NEGR1: variants seen among roughly 807,000 people sequenced by gnomAD.
The protein encoded by NEGR1 is IgLON family member 4.
Under a neutral mutation model 40.9 loss-of-function variants are expected in NEGR1, and 10 were observed. That is an observed-to-expected ratio of 0.24 (90% CI 0.15 to 0.42). NEGR1 has a LOEUF of 0.42. NEGR1 is among the 10% of genes least tolerant of loss of function. The pLI is 1.00. For synonymous variants in NEGR1, 185 were observed against 166.8 expected (o/e 1.11, Z -0.84); for missense variants, 352 against 438.9 (o/e 0.80, Z 1.77).
chr1:71,900,417 T>G (rs973995764), intron 2 of NEGR1, among the ~76,000 whole-genome samples: 2 of 152,202 alleles, frequency 1.3e-5, no homozygotes, highest in Non-Finnish European at 2.9e-5. Flanking sequence ...TATATTGAAT[T>G]GCCCAATTAT....
At chr1:71,437,131 A>G (rs1351691201) in intron 6 of NEGR1, among the ~76,000 whole-genome samples, 1 of 152,150 alleles carries the variant, frequency 6.6e-6, no homozygotes, top group Non-Finnish European at 1.5e-5. Flanking sequence ...TTTTAAGAGT[A>G]TGAATTATAT....
At chr1:72,208,490 A>G (rs2100458947) in intron 1 of NEGR1, among the ~76,000 whole-genome samples, 1 of 151,682 alleles carries the variant, frequency 6.6e-6, no homozygotes, top group South Asian at 2.1e-4. Flanking sequence ...TTCTTCCCGT[A>G]TAATTTTTTT....
At chr1:72,129,832 T>C (rs562973604) in intron 1 of NEGR1, among the ~76,000 whole-genome samples, 2 of 152,244 alleles carry the variant, frequency 1.3e-5, no homozygotes, top group South Asian at 4.1e-4. Flanking sequence ...TTTAAGAAAA[T>C]ATTGTCACAT....
In NEGR1 at chr1:72,114,680, T is replaced by C. The variant is rs187680345; in HGVS notation, c.176+167639A>G. ...TGCTTGGAAGAAGCTTTTCACTTCC[T>C]TGTAATATTTCAAATGGTGTTGGAA... On this transcript the variant is annotated intron_variant, in intron 1 of 6. Transcript: ENST00000357731. Among the ~76,000 whole-genome samples the C allele has an allele frequency of 6.4e-3, 965 of 151,878 alleles. 12 individuals are homozygous for C. The highest frequency in any genetic ancestry group is 0.022 in the African/African-American group (922 of 41,504).
At chr1:71,730,358 C>A (rs776899116) in intron 3 of NEGR1, among the ~76,000 whole-genome samples, 2 of 151,688 alleles carry the variant, frequency 1.3e-5, no homozygotes, top group Non-Finnish European at 1.5e-5. Flanking sequence ...GTCTAACGTG[C>A]AATTCATGCC....
chr1:71,649,564 G>A (rs1651642871), intron 4 of NEGR1, among the ~76,000 whole-genome samples: 1 of 152,086 alleles, frequency 6.6e-6, no homozygotes, highest in Non-Finnish European at 1.5e-5. Flanking sequence ...ATACATTAAA[G>A]TAGGAAGGGT....
intron 2 of NEGR1, among the ~76,000 whole-genome samples, chr1:71,858,470 G>A (rs1322231919): frequency 6.6e-6 from 1 of 151,922 alleles, no homozygotes; most frequent in Non-Finnish European, 1.5e-5. Context: ...TTATTACAGT[G>A]GAACCTTGCT....
At chr1:72,054,066 T>C (rs1647087710) in intron 1 of NEGR1, among the ~76,000 whole-genome samples, 1 of 151,260 alleles carries the variant, frequency 6.6e-6, no homozygotes. Context: ...TGGGGAATAA[T>C]TTTAAAATAA....
At chr1:71,754,120 T>C (rs1179642017) in intron 3 of NEGR1, among the ~76,000 whole-genome samples, 2 of 152,002 alleles carry the variant, frequency 1.3e-5, no homozygotes, top group East Asian at 1.9e-4. Context: ...CTGAGGAACT[T>C]TGTGTTCCTC....
chr1:71,659,057 A>G (rs1651969294), intron 4 of NEGR1, among the ~76,000 whole-genome samples: 1 of 152,182 alleles, frequency 6.6e-6, no homozygotes, highest in Non-Finnish European at 1.5e-5. Context: ...TGGAAAGACC[A>G]TTGGGTTGAG....
At chr1:72,155,762 C>T (rs1224585755) in intron 1 of NEGR1, among the ~76,000 whole-genome samples, 1 of 152,052 alleles carries the variant, frequency 6.6e-6, no homozygotes, top group Non-Finnish European at 1.5e-5. Flanking sequence ...GGTTTCCTTA[C>T]CTGCAAAATG....
chr1:71,989,380 A>G (rs141113347), intron 1 of NEGR1, among the ~76,000 whole-genome samples: 2 of 152,338 alleles, frequency 1.3e-5, no homozygotes, highest in African/African-American at 4.8e-5. Context: ...GGCTATTTCA[A>G]AAGCTGATGT....
At chr1:72,009,034 G>A (rs1182131281) in intron 1 of NEGR1, among the ~76,000 whole-genome samples, 3 of 151,012 alleles carry the variant, frequency 2.0e-5, no homozygotes, top group Non-Finnish European at 4.4e-5. Context: ...GAAAGAAGGG[G>A]GAGTGATCAT....
intron 5 of NEGR1, among the ~76,000 whole-genome samples, chr1:71,604,651 G>T (rs1194131093): frequency 6.6e-6 from 1 of 151,980 alleles, no homozygotes; most frequent in Non-Finnish European, 1.5e-5. Context: ...TACTGAAAAA[G>T]GTCACCATGC....
chr1:71,656,014 T>C (rs1651861710), intron 4 of NEGR1, among the ~76,000 whole-genome samples: 1 of 152,216 alleles, frequency 6.6e-6, no homozygotes, highest in African/African-American at 2.4e-5. Context: ...CTCTGCATTT[T>C]ATTAACCCTG....
chr1:72,168,777 G>A (rs1473751634), intron 1 of NEGR1, among the ~76,000 whole-genome samples: 1 of 152,144 alleles, frequency 6.6e-6, no homozygotes, highest in Non-Finnish European at 1.5e-5. Flanking sequence ...GCTTGCGCCT[G>A]TAGTCCTAGC....
At chr1:72,058,693 G>A (rs1647135565) in intron 1 of NEGR1, among the ~76,000 whole-genome samples, 1 of 151,548 alleles carries the variant, frequency 6.6e-6, no homozygotes, top group African/African-American at 2.4e-5. Context: ...TGCAAGGTAA[G>A]CTTTACACTG....
At chr1:71,850,447 G>A (rs907919394) in intron 2 of NEGR1, among the ~76,000 whole-genome samples, 3 of 151,960 alleles carry the variant, frequency 2.0e-5, no homozygotes, top group African/African-American at 7.2e-5. Context: ...GAGCCACCAC[G>A]CCCAGCCAAA....
intron 1 of NEGR1, among the ~76,000 whole-genome samples, chr1:72,068,043 G>C (rs1647319956): frequency 6.6e-6 from 1 of 152,050 alleles, no homozygotes; most frequent in Admixed American, 6.6e-5. Flanking sequence ...TTTATTAGTA[G>C]CTTCACAAAA....
Sources: allele counts gnomAD v4.1 joint callset (sites outside exome capture counted in the v4.1 genomes callset), GRCh38; gene constraint gnomAD v4.1.1; transcripts MANE v1.5; gene names NCBI Gene and HGNC (gene_info 2026-07-23, HGNC 2026-07-21).